SCN1A: variants seen among roughly 807,000 people sequenced by gnomAD.
SCN1A encodes sodium voltage-gated channel alpha subunit 1, also known as sodium channel protein type 1 subunit alpha.
SCN1A carries 13 observed loss-of-function variants against 193.7 expected under a neutral mutation model. That is an observed-to-expected ratio of 0.07 (90% CI 0.04 to 0.11). The LOEUF (loss-of-function observed/expected upper bound fraction) is 0.11, where lower values mean the gene tolerates loss of function less well. Among genes scored for constraint, SCN1A ranks in the 10% least tolerant of loss-of-function variants. SCN1A has a pLI of 1.00. For missense variants in SCN1A, 1,432 were observed against 2,451.1 expected, an observed-to-expected ratio of 0.58 and a Z score of 8.78; for synonymous variants, 781 against 843.6, an observed-to-expected ratio of 0.93 and a Z score of 1.29.
intron 2 of SCN1A, among the ~76,000 whole-genome samples, chr2:166,082,912 C>T (rs1685691457): frequency 6.6e-6 from 1 of 152,038 alleles, no homozygotes; most frequent in East Asian, 1.9e-4. Context: ...CTTGCCATCT[C>T]CTTGTAAAGA....
chr2:166,133,578 C>T (rs1012301161), intron 1 of SCN1A, among the ~76,000 whole-genome samples: 2 of 152,098 alleles, frequency 1.3e-5, no homozygotes, highest in African/African-American at 4.8e-5. Flanking sequence ...ACCAACTGAA[C>T]AGCACTTCAA....
chr2:166,027,292 T>C (rs1463732703), intron 19 of SCN1A: 1 of 152,198 alleles, frequency 6.6e-6, no homozygotes, highest in Non-Finnish European at 1.5e-5. Context: ...CAATGCTCTT[T>C]ACTATAGCAA....
At chr2:166,000,023 A>G (rs1008724230) in intron 24 of SCN1A, 4 of 525,274 alleles carry the variant, frequency 7.6e-6, no homozygotes, top group African/African-American at 3.8e-5. Context: ...GCACTTTTCA[A>G]TTCTTTAGAG....
chr2:166,043,827 A>G lies in SCN1A; in HGVS notation c.1885T>C (p.Ser629Pro). 1 of 1,614,156 alleles carries G rather than the reference A, an allele frequency of 6.2e-7. No homozygotes were observed. The highest frequency in any genetic ancestry group is 1.1e-5 in the South Asian group (1 of 91,074). ...NSNLSQTSRS[S>P]RMLAVFPANG... is the part of the protein sequence containing the mutation. ...GCTGGAAACACTGCCAGCATCCGGG[A>G]TGACCTACTGGTCTGACTCAGGTTG... Residue 629 changes from serine (S) to proline (P), a missense_variant, in exon 14 of 29, where the codon TCC becomes CCC. Coordinates refer to ENST00000674923, the MANE Select transcript of SCN1A (RefSeq NM_001165963.4).
chr2:166,001,861 C>T (rs965714336), intron 24 of SCN1A, among the ~76,000 whole-genome samples: 1 of 139,840 alleles, frequency 7.2e-6, no homozygotes, highest in Non-Finnish European at 1.5e-5. Context: ...CTAGTTGCTT[C>T]CAGGTATAAT....
chr2:166,011,208 T>G (rs547115), intron 22 of SCN1A, among the ~76,000 whole-genome samples: 150,595 of 151,158 alleles, frequency 1, 75,017 homozygotes, highest in Middle Eastern at 1. Flanking sequence ...TATAATGCAT[T>G]CATGATTCTT....
At chr2:166,124,114 T>C (rs987058895) in intron 2 of SCN1A, among the ~76,000 whole-genome samples, 1 of 152,238 alleles carries the variant, frequency 6.6e-6, no homozygotes, top group South Asian at 2.1e-4. Context: ...TCTTTGCACA[T>C]TGATTTGCCT....
intron 2 of SCN1A, among the ~76,000 whole-genome samples, chr2:166,105,692 A>G (rs1688612905): frequency 6.6e-6 from 1 of 152,238 alleles, no homozygotes; most frequent in African/African-American, 2.4e-5. Context: ...ATGCTAGAGC[A>G]TATCCAATAT....
chr2:166,050,612 A>G (rs1475272189), intron 9 of SCN1A, among the ~76,000 whole-genome samples: 3 of 29,936 alleles, frequency 1.0e-4, no homozygotes, highest in African/African-American at 3.0e-4. Flanking sequence ...CATTAAAAAA[A>G]GTATATATAT....
chr2:166,068,349 C>T (rs957185814), intron 4 of SCN1A, among the ~76,000 whole-genome samples: 3 of 152,060 alleles, frequency 2.0e-5, no homozygotes, highest in African/African-American at 7.2e-5. Context: ...GAGACAGAGA[C>T]AGGGAGGTGA....
chr2:166,022,396 G>A (rs774693690), intron 19 of SCN1A, among the ~76,000 whole-genome samples: 20 of 147,852 alleles, frequency 1.4e-4, no homozygotes, highest in Non-Finnish European at 2.1e-4. Context: ...GGTGGGGGGC[G>A]GGGTAATACC....
At chr2:166,115,214 C>T (rs1213608327) in intron 2 of SCN1A, among the ~76,000 whole-genome samples, 3 of 151,988 alleles carry the variant, frequency 2.0e-5, no homozygotes, top group Non-Finnish European at 4.4e-5. Flanking sequence ...AAAAAATTAG[C>T]TGGGCATGGT....
intron 9 of SCN1A, among the ~76,000 whole-genome samples, chr2:166,049,216 T>C (rs1002400698): frequency 2.0e-5 from 3 of 151,848 alleles, no homozygotes; most frequent in African/African-American, 7.2e-5. Flanking sequence ...CAGTGCAAAG[T>C]ATTTCTTCAT....
intron 19 of SCN1A, among the ~76,000 whole-genome samples, chr2:166,021,776 G>T (rs1192618125): frequency 6.6e-6 from 1 of 152,092 alleles, no homozygotes; most frequent in Non-Finnish European, 1.5e-5. Flanking sequence ...TATGTATGTT[G>T]CAATGAAAGG....
At chr2:166,061,728 A>T (rs1683329282) in intron 4 of SCN1A, among the ~76,000 whole-genome samples, 2 of 152,204 alleles carry the variant, frequency 1.3e-5, no homozygotes, top group African/African-American at 2.4e-5. Context: ...AAGGAGGTAT[A>T]AAGGGCTGAA....
intron 27 of SCN1A, 47 bp downstream of exon 27, chr2:165,995,966 A>G: frequency 7.8e-7 from 1 of 1,279,952 alleles, no homozygotes; most frequent in Non-Finnish European, 1.1e-6. Flanking sequence ...CAAGCATGCA[A>G]GTTTTTGTTT....
intron 2 of SCN1A, among the ~76,000 whole-genome samples, chr2:166,111,446 A>G (rs1689285548): frequency 1.3e-5 from 2 of 152,154 alleles, no homozygotes; most frequent in South Asian, 4.1e-4. Flanking sequence ...TCAGAAAAAA[A>G]AAAAAGATTC....
At chr2:166,059,994 G>T (rs903582818) in intron 4 of SCN1A, 2 of 152,194 alleles carry the variant, frequency 1.3e-5, no homozygotes, top group Non-Finnish European at 2.9e-5. Flanking sequence ...TCCATGTTTA[G>T]AAATTTGTAA....
At chr2:166,097,264 T>A (rs769671916) in intron 2 of SCN1A, among the ~76,000 whole-genome samples, 4 of 152,112 alleles carry the variant, frequency 2.6e-5, no homozygotes, top group Non-Finnish European at 5.9e-5. Flanking sequence ...TCAAGCAATC[T>A]GCCCGCCTTG....
Sources: allele counts gnomAD v4.1 joint callset (sites outside exome capture counted in the v4.1 genomes callset), GRCh38; gene constraint gnomAD v4.1.1; transcripts MANE v1.5; gene names NCBI Gene and HGNC (gene_info 2026-07-23, HGNC 2026-07-21).